The following RALYL variants were observed in gnomAD, a reference collection of about 807,000 sequenced individuals.
The protein encoded by RALYL is RNA-binding Raly-like protein.
Under a neutral mutation model 35.1 loss-of-function variants are expected in RALYL, and 29 were observed. The observed-to-expected ratio is 0.83, with a 90% CI of 0.61 to 1.13. The LOEUF is 1.13. Ranked by LOEUF, RALYL falls within the 50% of genes most tolerant of loss-of-function variation. The pLI is 0.00. For synonymous variants in RALYL, 120 were observed against 127.6 expected (o/e 0.94, Z 0.40); for missense variants, 359 against 360.4 (o/e 1.00, Z 0.03).
At chr8:84,817,361 A>G (rs1827568383) in intron 4 of RALYL, among the ~76,000 whole-genome samples, 1 of 152,134 alleles carries the variant, frequency 6.6e-6, no homozygotes, top group Middle Eastern at 3.4e-3. Context: ...ATATTTAGTA[A>G]CAGATGCTAT....
intron 1 of RALYL, among the ~76,000 whole-genome samples, chr8:84,475,115 G>A (rs1036721415): frequency 2.0e-5 from 3 of 151,712 alleles, no homozygotes; most frequent in African/African-American, 7.3e-5. Flanking sequence ...CTGTGTCCAA[G>A]TGTTCGCATT....
chr8:84,632,156 C>T (rs1051258328), intron 2 of RALYL, among the ~76,000 whole-genome samples: 3 of 151,784 alleles, frequency 2.0e-5, no homozygotes, highest in Non-Finnish European at 4.4e-5. Context: ...TGGAAGATGC[C>T]GTCTATGAAC....
intron 2 of RALYL, among the ~76,000 whole-genome samples, chr8:84,698,639 T>C (rs1839607611): frequency 6.6e-6 from 1 of 151,786 alleles, no homozygotes; most frequent in Non-Finnish European, 1.5e-5. Context: ...CCCCACAGAA[T>C]AGAAAGATGA....
At chr8:84,692,937 G>A (rs1020155985) in intron 2 of RALYL, among the ~76,000 whole-genome samples, 4 of 151,994 alleles carry the variant, frequency 2.6e-5, no homozygotes, top group African/African-American at 9.7e-5. Flanking sequence ...GCCAAGGGTG[G>A]TAGGTAGCCT....
chr8:84,903,232 G>C (rs1428721930), intron 8 of RALYL, among the ~76,000 whole-genome samples: 2 of 152,132 alleles, frequency 1.3e-5, no homozygotes, highest in Non-Finnish European at 2.9e-5. Context: ...AAAAGTTGCA[G>C]TGATCTCAAA....
Position 84,347,821 on chromosome 8 carries a change from G to GA in RALYL, c.-24+163401dup, listed in dbSNP as rs1226443038. On this transcript the variant is annotated intron_variant, in intron 1 of 8. Transcript: ENST00000521268. Reference sequence around the variant, plus strand: ...CTTTGCCTCTTAGGCTCTATTAAAAGAAAATCTGTAGACAAATTAAATTCA... The same window carrying GA: ...CTTTGCCTCTTAGGCTCTATTAAAAGAAAAATCTGTAGACAAATTAAATTCA... Among the ~76,000 whole-genome samples the GA allele has an allele frequency of 8.5e-5, 13 of 152,060 alleles. 2 individuals are homozygous for GA. In the South Asian group the frequency reaches 2.7e-3, roughly 31 times the overall value.
In RALYL at chr8:84,429,542, C is replaced by T. The variant is rs187480148; in HGVS notation, c.-23-99757C>T. On this transcript the variant is annotated intron_variant, in intron 1 of 8. Transcript: ENST00000521268. ...ACATTATATTTTTGTTTGAAAAACA[C>T]AGATACAGATACATATGCATCTCTA... 1.5e-3 allele frequency among the ~76,000 whole-genome samples: 228 copies of T among 152,118 alleles called. 2 individuals are homozygous for T. Among genetic ancestry groups the T allele is most frequent in the African/African-American group, 4.5e-3 (186 of 41,534 alleles).
rs1039521774 is a variant in RALYL at position 84,734,291 on chromosome 8, C to A, written c.257-40288C>A. 9.9e-5 allele frequency among the ~76,000 whole-genome samples: 15 copies of A among 152,122 alleles called. No homozygotes were observed. The South Asian group carries it at 3.1e-3, about 32-fold the overall frequency. On this transcript the variant is annotated intron_variant, in intron 2 of 8. Coordinates refer to ENST00000521268, the MANE Select transcript of RALYL (RefSeq NM_173848.7). The stretch of plus-strand genomic sequence containing the variant: ...TTTTTAGAGTGGAAAAAATAAATAT[C>A]TTTACTCATCTTTTTAAAAATTATA...
At chr8:84,573,791 G>A (rs149355982) in intron 2 of RALYL, among the ~76,000 whole-genome samples, 2 of 151,908 alleles carry the variant, frequency 1.3e-5, no homozygotes, top group African/African-American at 2.4e-5. Flanking sequence ...TGTTAAATCA[G>A]CTATTAATCC....
At position 84,654,270 on chromosome 8, in the gene RALYL, C is replaced by CATATATATATAT. The variant is rs143309933; in HGVS notation, c.257-120276_257-120265dup. Among the ~76,000 whole-genome samples the CATATATATATAT allele has an allele frequency of 3.0e-3, 133 of 44,506 alleles. 6 individuals carry two copies. Among genetic ancestry groups the CATATATATATAT allele is most frequent in the Non-Finnish European group, 5.3e-3 (93 of 17,594 alleles). 29.2% of individuals were successfully genotyped at this position (44,506 alleles called of 152,430 possible). On this transcript the variant is annotated intron_variant, in intron 2 of 8. Coordinates refer to ENST00000521268, the MANE Select transcript of RALYL (RefSeq NM_173848.7). ...CAACGTATATGTATATCTCATGTTC[C>CATATATATATAT]ATATATATATATATATATATATATA...
At chr8:84,587,716 A>T (rs1391698871) in intron 2 of RALYL, among the ~76,000 whole-genome samples, 1 of 152,208 alleles carries the variant, frequency 6.6e-6, no homozygotes, top group Admixed American at 6.5e-5. Context: ...AAAAACATGT[A>T]AAATACAAAG....
intron 1 of RALYL, among the ~76,000 whole-genome samples, chr8:84,253,176 GTTTTTTTTTTTTT>G (rs764942491): frequency 1.9e-4 from 10 of 52,860 alleles, no homozygotes; most frequent in East Asian, 1.3e-3. Flanking sequence ...TAGTTCTGCA[GTTTTTTTTTTTTT>G]TTTTTTTTTT....
chr8:84,627,242 C>T (rs967423284), intron 2 of RALYL, among the ~76,000 whole-genome samples: 2 of 151,604 alleles, frequency 1.3e-5, no homozygotes, highest in South Asian at 2.1e-4. Context: ...TATTTTTTCT[C>T]GCAGGGTGAT....
At chr8:84,830,796 C>G (rs1830750150) in intron 4 of RALYL, among the ~76,000 whole-genome samples, 1 of 151,690 alleles carries the variant, frequency 6.6e-6, no homozygotes, top group Admixed American at 6.6e-5. Flanking sequence ...TTTCTAGAAA[C>G]TAAAGAATAT....
At chr8:84,223,196 T>TTCC (rs1341358919) in intron 1 of RALYL, among the ~76,000 whole-genome samples, 9 of 110,950 alleles carry the variant, frequency 8.1e-5, no homozygotes, top group African/African-American at 3.7e-4. Flanking sequence ...TTCCCTTCCC[T>TTCC]TCCCTTCCAT....
chr8:84,641,733 C>T (rs1013098786), intron 2 of RALYL, among the ~76,000 whole-genome samples: 3 of 147,702 alleles, frequency 2.0e-5, no homozygotes, highest in Non-Finnish European at 3.0e-5. Flanking sequence ...TTGCTGATAA[C>T]TCAGAAGATT....
chr8:84,770,156 A>G (rs1247594951), intron 2 of RALYL, among the ~76,000 whole-genome samples: 1 of 152,090 alleles, frequency 6.6e-6, no homozygotes, highest in Non-Finnish European at 1.5e-5. Context: ...CCCTAGCAGT[A>G]TACACTAAAC....
chr8:84,398,480 T>A (rs1421226788), intron 1 of RALYL, among the ~76,000 whole-genome samples: 1 of 152,126 alleles, frequency 6.6e-6, no homozygotes, highest in Non-Finnish European at 1.5e-5. Flanking sequence ...TAGAAAATAT[T>A]TCATTTTTAT....
chr8:84,320,430 A>T (rs1044606592), intron 1 of RALYL, among the ~76,000 whole-genome samples: 1 of 151,088 alleles, frequency 6.6e-6, no homozygotes, highest in African/African-American at 2.4e-5. Flanking sequence ...GTATGTGTAT[A>T]TACATGCACA....
Sources: allele counts gnomAD v4.1 joint callset (sites outside exome capture counted in the v4.1 genomes callset), GRCh38; gene constraint gnomAD v4.1.1; transcripts MANE v1.5; gene names NCBI Gene and HGNC (gene_info 2026-07-23, HGNC 2026-07-21).